CTNNA3: variants seen among roughly 807,000 people sequenced by gnomAD.
The protein encoded by CTNNA3 is catenin alpha 3, also known as catenin alpha-3.
A neutral mutation model predicts 95.7 loss-of-function variants in CTNNA3; 76 were observed. The observed-to-expected ratio is 0.79, with a 90% confidence interval of 0.66 to 0.96. The LOEUF (loss-of-function observed/expected upper bound fraction) is 0.96, where lower values mean the gene tolerates loss of function less well. CTNNA3 is among the 40% of genes least tolerant of loss of function. The probability of loss-of-function intolerance (pLI) is 0.00; values close to 1 mark genes in which losing one functional copy is unlikely to be tolerated. For missense variants in CTNNA3, 1,191 were observed against 1,089.8 expected (o/e 1.09, Z -1.31); for synonymous variants, 431 against 374.4 (o/e 1.15, Z -1.74).
chr10:66,878,192 A>C (rs764592838), intron 7 of CTNNA3, among the ~76,000 whole-genome samples: 1 of 152,132 alleles, frequency 6.6e-6, no homozygotes, highest in Admixed American at 6.5e-5. Flanking sequence ...CCTATCTTCC[A>C]CATTTTTCTC....
upstream of CTNNA3, among the ~76,000 whole-genome samples, chr10:67,698,325 C>T (rs982264710): frequency 4.0e-5 from 6 of 150,762 alleles, no homozygotes; most frequent in Admixed American, 6.6e-5. Context: ...TAAGTTTTTT[C>T]GTTCTGGGCA....
At chr10:67,097,508 A>T in intron 7 of CTNNA3, 1 of 1,284,090 alleles carries the variant, frequency 7.8e-7, no homozygotes, top group South Asian at 1.3e-5. Context: ...TAGTCAGGTC[A>T]GCACTTCAGT....
At chr10:67,071,632 G>C (rs1387561364) in intron 7 of CTNNA3, among the ~76,000 whole-genome samples, 1 of 151,802 alleles carries the variant, frequency 6.6e-6, no homozygotes, top group African/African-American at 2.4e-5. Context: ...TAAACTTCTT[G>C]AACTTGTGTG....
At position 66,679,102 on chromosome 10, in the gene CTNNA3, G is replaced by C. The variant is rs187575913; in HGVS notation, c.1282-57318C>G. On this transcript the variant is annotated intron_variant, in intron 9 of 17. Coordinates refer to ENST00000433211, the MANE Select transcript of CTNNA3 (RefSeq NM_013266.4). ...TAGCAGCATGATGTAGGATATCTAGGTGGTGAGCAGGGTGGATCTGGTAGT... is the reference window on the plus strand; with the variant it reads ...TAGCAGCATGATGTAGGATATCTAGCTGGTGAGCAGGGTGGATCTGGTAGT... Among the ~76,000 whole-genome samples, 33 of 152,256 alleles carry C rather than the reference G, an allele frequency of 2.2e-4. No individual in the cohort carries two copies. The East Asian group carries it at 6.0e-3, about 28-fold the overall frequency.
At chr10:66,797,711 T>C (rs1010353499) in intron 7 of CTNNA3, among the ~76,000 whole-genome samples, 2 of 151,928 alleles carry the variant, frequency 1.3e-5, no homozygotes, top group Non-Finnish European at 2.9e-5. Flanking sequence ...CTCTCTAAAG[T>C]GTCTGTGATT....
At chr10:66,099,109 G>A (rs2081513123) in intron 14 of CTNNA3, among the ~76,000 whole-genome samples, 1 of 152,152 alleles carries the variant, frequency 6.6e-6, no homozygotes. Flanking sequence ...TAGCGCATGT[G>A]CAATACAGCA....
chr10:66,763,358 A>AGAGAGG (rs1839693729), intron 9 of CTNNA3, among the ~76,000 whole-genome samples: 1 of 151,558 alleles, frequency 6.6e-6, no homozygotes, highest in African/African-American at 2.4e-5. Flanking sequence ...AGAGAGGGAG[A>AGAGAGG]GAGAGAGAAA....
At chr10:67,762,466 G>C (rs764089170) in intron 1 of CTNNA3, among the ~76,000 whole-genome samples, 63 of 150,328 alleles carry the variant, frequency 4.2e-4, no homozygotes, top group Admixed American at 1.6e-3. Flanking sequence ...GCTTTTAAGC[G>C]AGTGAAGAGG....
rs140533186 is a variant in CTNNA3 at position 66,972,692 on chromosome 10, T to A, written c.1048-197168A>T. Among the ~76,000 whole-genome samples the A allele has an allele frequency of 2.6e-3, 378 of 142,956 alleles. 5 individuals carry two copies. The highest frequency in any genetic ancestry group is 9.5e-3 in the African/African-American group (370 of 38,886). 93.8% of individuals were successfully genotyped at this position (142,956 alleles called of 152,430 possible). On this transcript the variant is annotated intron_variant, in intron 7 of 17. Coordinates refer to ENST00000433211, the MANE Select transcript of CTNNA3 (RefSeq NM_013266.4). ...ATATAGATACAATTTAAAGGTTCTG[T>A]CAAATAGATTTTTTTTTTTTTTTTT...
chr10:66,466,840 C>A (rs1384378053), intron 11 of CTNNA3, among the ~76,000 whole-genome samples: 2 of 152,114 alleles, frequency 1.3e-5, no homozygotes. Context: ...CATGTCAATG[C>A]TTGAAAAGAA....
chr10:67,762,524 T>C (rs974359211), intron 1 of CTNNA3, among the ~76,000 whole-genome samples: 1 of 152,006 alleles, frequency 6.6e-6, no homozygotes, highest in Non-Finnish European at 1.5e-5. Context: ...GAACTTCCAG[T>C]AAACATTATC....
intron 5 of CTNNA3, among the ~76,000 whole-genome samples, chr10:67,519,713 T>C (rs1362468192): frequency 1.3e-5 from 2 of 152,106 alleles, no homozygotes; most frequent in Non-Finnish European, 2.9e-5. Context: ...TGCGGAATGA[T>C]AAATATGGTT....
chr10:66,955,458 T>C (rs1230742804), intron 7 of CTNNA3, among the ~76,000 whole-genome samples: 1 of 152,148 alleles, frequency 6.6e-6, no homozygotes, highest in African/African-American at 2.4e-5. Context: ...TCAGTAAAAT[T>C]AATCATCTTG....
rs189958307 is a variant in CTNNA3 at position 67,358,829 on chromosome 10, G to A, written c.580-138959C>T. Among the ~76,000 whole-genome samples, 455 of 152,156 alleles carry A rather than the reference G, an allele frequency of 3.0e-3. 1 individual carries two copies. The highest frequency in any genetic ancestry group is 5.5e-3 in the Non-Finnish European group (371 of 67,994). On this transcript the variant is annotated intron_variant, in intron 5 of 17. Coordinates refer to ENST00000433211, the MANE Select transcript of CTNNA3 (RefSeq NM_013266.4). ...ACCCCCTTGGGGCTAAGGAAATGCA[G>A]GCACTGCAACAGTGATTAAAGAGGT...
At chr10:66,570,125 A>G (rs1026877350) in intron 10 of CTNNA3, among the ~76,000 whole-genome samples, 2 of 152,124 alleles carry the variant, frequency 1.3e-5, no homozygotes, top group Non-Finnish European at 2.9e-5. Context: ...TTACCAAAAC[A>G]GTCCAATGGA....
intron 1 of CTNNA3, chr10:67,665,402 T>C (rs1160039207): frequency 6.6e-6 from 1 of 152,166 alleles, no homozygotes; most frequent in Non-Finnish European, 1.5e-5. Flanking sequence ...AACATAATAG[T>C]TTCTATTCAT....
At chr10:66,687,807 CTAGACTCTATATTCTAAT>C (rs1298691164) in intron 9 of CTNNA3, among the ~76,000 whole-genome samples, 1 of 151,678 alleles carries the variant, frequency 6.6e-6, no homozygotes, top group Non-Finnish European at 1.5e-5. Context: ...TGATTATCTT[CTAGACTCTATATTCTAAT>C]GAAAGATAAT....
At chr10:65,954,231 C>G (rs1454350638) in intron 17 of CTNNA3, among the ~76,000 whole-genome samples, 11 of 151,968 alleles carry the variant, frequency 7.2e-5, no homozygotes, top group African/African-American at 2.7e-4. Context: ...TTTGATGGGG[C>G]TGTTTGATTT....
chr10:65,980,919 CT>C, intron 16 of CTNNA3, among the ~76,000 whole-genome samples: 1 of 152,080 alleles, frequency 6.6e-6, no homozygotes, highest in East Asian at 1.9e-4. Context: ...AGCATTTCAC[CT>C]GATAACTGGG....
Sources: gnomAD v4.1 joint callset for allele counts (sites outside exome capture counted in the v4.1 genomes callset) on GRCh38, gnomAD v4.1.1 for gene constraint, MANE v1.5 for transcripts, NCBI Gene and HGNC (gene_info 2026-07-23, HGNC 2026-07-21) for gene names.